Variants in MFF observed in about 807,000 individuals in gnomAD.
The protein encoded by MFF is chromosome 2 open reading frame 33.
In MFF, 12 loss-of-function variants were observed where a neutral mutation model predicts 36.9. That is an observed-to-expected ratio of 0.33 (90% CI 0.21 to 0.53). MFF has a LOEUF of 0.53. MFF is among the 20% of genes least tolerant of loss of function. MFF has a pLI of 0.95. For synonymous variants in MFF, 99 were observed against 126.2 expected (o/e 0.78, Z 1.44); for missense variants, 348 against 366.6 (o/e 0.95, Z 0.42).
intron 5 of MFF, among the ~76,000 whole-genome samples, chr2:227,341,845 T>C (rs1031230276): frequency 1.3e-5 from 2 of 152,134 alleles, no homozygotes; most frequent in Non-Finnish European, 2.9e-5. Flanking sequence ...TACTTTGACA[T>C]TTTATATTAA....
At chr2:227,330,601 C>CTTTAAATTTTTAAATT (rs1224358956) in intron 2 of MFF, 25 bp from the exon 3 acceptor site, 31 of 1,551,796 alleles carry the variant, frequency 2.0e-5, no homozygotes, top group Non-Finnish European at 2.8e-5. Context: ...ACAGTCAGCC[C>CTTTAAATTTTTAAATT]TGTCTTTAAA....
chr2:227,330,468 T>G, intron 2 of MFF, 158 bp from the exon 3 acceptor site: 2 of 592,556 alleles, frequency 3.4e-6, no homozygotes, highest in South Asian at 2.3e-5. Context: ...GAGGAAGACA[T>G]TTTCTTTCAT....
intron 5 of MFF, 98 bp from the exon 6 acceptor site, chr2:227,347,128 G>A: frequency 9.7e-7 from 1 of 1,032,030 alleles, no homozygotes; most frequent in Non-Finnish European, 1.5e-6. Flanking sequence ...AAAGGGGCAA[G>A]AACACTAAGA....
At chr2:227,330,942 G>T (rs1015718739) in intron 3 of MFF, 96 bp downstream of exon 3, 9 of 1,031,342 alleles carry the variant, frequency 8.7e-6, no homozygotes, top group Middle Eastern at 3.1e-4. Context: ...TTTAGAAAAG[G>T]AGTTGGAAAA....
At chr2:227,339,379 T>C (rs1168213255) in intron 4 of MFF, among the ~76,000 whole-genome samples, 3 of 152,286 alleles carry the variant, frequency 2.0e-5, no homozygotes, top group East Asian at 3.9e-4. Flanking sequence ...AGGGAAAAGC[T>C]TGTTTCTGTT....
rs995499219 is a variant in MFF, at chr2:227,325,266, G to C, written c.-314G>C. ...TACGGCTCCCAGAAGGGGCCAGCCCGCGCCTTTCGCGCTTCTGCCCTGGCC... is the reference window on the plus strand; with the variant it reads ...TACGGCTCCCAGAAGGGGCCAGCCCCCGCCTTTCGCGCTTCTGCCCTGGCC... On this transcript the variant is annotated 5_prime_UTR_variant, in exon 1 of 9. Transcript: ENST00000304593. 4.7e-5 allele frequency: 6 copies of C among 127,826 alleles called. No individual in the cohort carries two copies. The highest frequency in any genetic ancestry group is 1.9e-4 in the African/African-American group (5 of 27,026). 7.9% of individuals were successfully genotyped at this position (127,826 alleles called of 1,614,324 possible). A position where few individuals can be genotyped will look rare whatever the true frequency, so the allele number is the denominator to read the frequency against.
At chr2:227,326,877 G>A (rs937969010) in intron 1 of MFF, among the ~76,000 whole-genome samples, 3 of 151,960 alleles carry the variant, frequency 2.0e-5, no homozygotes, top group African/African-American at 7.3e-5. Flanking sequence ...AAGTTGTTTC[G>A]GTGACTTCCG....
chr2:227,356,906 T>C, intron 8 of MFF, 80 bp from the exon 9 acceptor site: 1 of 1,101,418 alleles, frequency 9.1e-7, no homozygotes, highest in Non-Finnish European at 1.3e-6. Context: ...ATTATTATAC[T>C]ACTTACTTTA....
intron 1 of MFF, 133 bp downstream of exon 1, chr2:227,325,560 C>T (rs1424398417): frequency 6.6e-6 from 1 of 152,290 alleles, no homozygotes; most frequent in Non-Finnish European, 1.5e-5. Flanking sequence ...CTCCCTGACC[C>T]GAGTCCCGTC....
chr2:227,331,917 T>C (rs1215419963), intron 3 of MFF, among the ~76,000 whole-genome samples: 1 of 151,248 alleles, frequency 6.6e-6, no homozygotes, highest in Non-Finnish European at 1.5e-5. Flanking sequence ...TATTTCTGTA[T>C]GACAGTGATA....
At position 227,330,647 on chromosome 2, in the gene MFF, T is replaced by G; in HGVS notation, c.-19T>G. 6.2e-7 allele frequency: 1 copy of G among 1,613,820 alleles called. No individual in the cohort carries two copies. Among genetic ancestry groups the G allele is most frequent in the Non-Finnish European group, 8.5e-7 (1 of 1,179,676 alleles). On this transcript the variant is annotated 5_prime_UTR_variant, in exon 3 of 9. Coordinates refer to ENST00000304593, the MANE Select transcript of MFF (RefSeq NM_001277062.2). ...ACAGGGTGAGCAGGGCAGCATTTCC[T>G]TCTCCCACTGCTGCTGAGATGGCAG...
At chr2:227,356,945 G>A (rs2076287622) in intron 8 of MFF, 41 bp from the exon 9 acceptor site, 2 of 1,501,710 alleles carry the variant, frequency 1.3e-6, no homozygotes, top group Non-Finnish European at 1.8e-6. Context: ...ATTCATTAAA[G>A]CCTCTATATT....
chr2:227,345,023 T>G (rs1355078129), intron 5 of MFF, among the ~76,000 whole-genome samples: 1 of 152,192 alleles, frequency 6.6e-6, no homozygotes, highest in Non-Finnish European at 1.5e-5. Context: ...TCGTAAAATC[T>G]TAGAATTGAG....
chr2:227,335,163 C>CT (rs2074896980), intron 4 of MFF, among the ~76,000 whole-genome samples: 2 of 78,312 alleles, frequency 2.6e-5, no homozygotes, highest in South Asian at 1.1e-3. Context: ...GAGCCAGACT[C>CT]TGTCTCTCAA....
chr2:227,338,115 C>T (rs905686167), intron 4 of MFF, among the ~76,000 whole-genome samples: 3 of 149,206 alleles, frequency 2.0e-5, no homozygotes, highest in Non-Finnish European at 3.0e-5. Flanking sequence ...CACCTGTAAT[C>T]CCAGTACTTT....
chr2:227,336,801 G>T (rs73994248), intron 4 of MFF, among the ~76,000 whole-genome samples: 1 of 152,132 alleles, frequency 6.6e-6, no homozygotes, highest in Non-Finnish European at 1.5e-5. Flanking sequence ...TAATTCTACC[G>T]TAAAGAAGTA....
chr2:227,348,222 C>G lies in MFF; in HGVS notation c.599+838C>G, dbSNP rs867630119. 2.6e-5 allele frequency among the ~76,000 whole-genome samples: 4 copies of G among 152,246 alleles called. No homozygotes were observed. In the Middle Eastern group the frequency reaches 0.014, roughly 521 times the overall value. On this transcript the variant is annotated intron_variant, in intron 6 of 8. Transcript: ENST00000304593. ...AATTTCACAATAAATTAAGCTATCC[C>G]TTCTAATAAATCCTGTTTCTTACCT... is the stretch of plus-strand genomic sequence containing the variant.
intron 3 of MFF, 70 bp downstream of exon 3, chr2:227,330,916 G>GT: frequency 7.7e-7 from 1 of 1,306,802 alleles, no homozygotes; most frequent in Admixed American, 2.2e-5. Flanking sequence ...AAACTTTTGA[G>GT]TTTTTCTAAA....
chr2:227,356,935 A>C (rs2076287076), intron 8 of MFF, 51 bp from the exon 9 acceptor site: 3 of 1,388,860 alleles, frequency 2.2e-6, no homozygotes. Flanking sequence ...TGATTGCCCT[A>C]TTCATTAAAG....
Sources: allele counts gnomAD v4.1 joint callset (sites outside exome capture counted in the v4.1 genomes callset), GRCh38; gene constraint gnomAD v4.1.1; transcripts MANE v1.5; gene names NCBI Gene and HGNC (gene_info 2026-07-23, HGNC 2026-07-21).